The following EPB41L4A variants were observed in gnomAD, a reference collection of about 807,000 sequenced individuals.
EPB41L4A encodes the protein erythrocyte membrane protein band 4.1 like 4A, also known as band 4.1-like protein 4A.
Under a neutral mutation model 108.6 loss-of-function variants are expected in EPB41L4A, and 100 were observed. The ratio of observed to expected loss-of-function variants is 0.92; its 90% CI spans 0.78 to 1.09. The LOEUF is 1.09. EPB41L4A is among the 50% of genes least tolerant of loss of function. EPB41L4A has a pLI of 0.00. For missense variants in EPB41L4A, 1,030 were observed against 842.7 expected (o/e 1.22, Z -2.75); for synonymous variants, 319 against 289.0 (o/e 1.10, Z -1.05).
At chr5:112,271,568 G>C (rs917227411) in intron 4 of EPB41L4A, among the ~76,000 whole-genome samples, 35 of 152,276 alleles carry the variant, frequency 2.3e-4, no homozygotes, top group African/African-American at 7.7e-4. Context: ...ACCTCACTCA[G>C]CCTTTCTGAT....
chr5:112,151,226 T>C lies in EPB41L4A; in HGVS notation n.995-5228A>G, dbSNP rs1021138014. Among the ~76,000 whole-genome samples, 15 of 152,126 alleles carry C rather than the reference T, an allele frequency of 9.9e-5. No individual in the cohort carries two copies. The South Asian group carries it at 2.9e-3, about 29-fold the overall frequency. On this transcript the variant is annotated intron_variant and non_coding_transcript_variant, in intron 12 of 13. Coordinates refer to the EPB41L4A transcript ENST00000507810. ...ACCCGTAAAAAAAGTATTTAATGAC[T>C]ATAAATCGATAAGAATGTCAAATTT... is the stretch of plus-strand genomic sequence containing the variant.
intron 12 of EPB41L4A, among the ~76,000 whole-genome samples, chr5:112,148,463 T>C (rs1759346871): frequency 6.6e-6 from 1 of 151,860 alleles, no homozygotes; most frequent in Non-Finnish European, 1.5e-5. Flanking sequence ...AGAACAGTTT[T>C]AGATTTTCCC....
At chr5:112,149,363 T>C (rs1367192877) in intron 12 of EPB41L4A, among the ~76,000 whole-genome samples, 1 of 152,126 alleles carries the variant, frequency 6.6e-6, no homozygotes, top group Non-Finnish European at 1.5e-5. Context: ...TCCCAGCTAC[T>C]TGGGAGGCTG....
intron 2 of EPB41L4A, among the ~76,000 whole-genome samples, chr5:112,302,253 C>A (rs910214120): frequency 1.3e-5 from 2 of 152,034 alleles, no homozygotes; most frequent in South Asian, 4.1e-4. Context: ...CACCTATAAT[C>A]CTAGCACTTT....
intron 1 of EPB41L4A, among the ~76,000 whole-genome samples, chr5:112,351,257 G>A (rs868338998): frequency 6.6e-6 from 1 of 152,042 alleles, no homozygotes; most frequent in African/African-American, 2.4e-5. Flanking sequence ...GAAATAATAT[G>A]CAAATAAAAT....
In EPB41L4A at chr5:112,321,043, A is replaced by C. The variant is rs180732373; in HGVS notation, c.100-13553T>G. Reference sequence around the variant, plus strand: ...TGAGATTACAGGCCATCGAGACTTCAGGGTGTTCATATCTTGCCTGGTCAG... The same window carrying C: ...TGAGATTACAGGCCATCGAGACTTCCGGGTGTTCATATCTTGCCTGGTCAG... On this transcript the variant is annotated intron_variant, in intron 1 of 22. Coordinates refer to ENST00000261486, the MANE Select transcript of EPB41L4A (RefSeq NM_022140.5). 4.6e-5 allele frequency among the ~76,000 whole-genome samples: 7 copies of C among 152,352 alleles called. No homozygotes were observed. The East Asian group carries it at 1.3e-3, about 29-fold the overall frequency.
intron 10 of EPB41L4A, among the ~76,000 whole-genome samples, chr5:112,240,514 G>A (rs1221769684): frequency 6.6e-6 from 1 of 152,110 alleles, no homozygotes; most frequent in South Asian, 2.1e-4. Flanking sequence ...CTGTATCTAT[G>A]TGTATAAGTG....
At chr5:112,267,229 C>T (rs13158768) in intron 4 of EPB41L4A, among the ~76,000 whole-genome samples, 9,518 of 152,266 alleles carry the variant, frequency 0.063, 353 homozygotes, top group Non-Finnish European at 0.075. Flanking sequence ...CACACACTCT[C>T]ACACACTTCA....
At chr5:112,228,812 G>T in intron 12 of EPB41L4A, 1 of 892,498 alleles carries the variant, frequency 1.1e-6, no homozygotes, top group Non-Finnish European at 1.3e-6. Context: ...AGGCAGTTTA[G>T]ACTTGCAGGA....
At chr5:112,295,895 G>A (rs1416351185) in intron 2 of EPB41L4A, among the ~76,000 whole-genome samples, 2 of 152,118 alleles carry the variant, frequency 1.3e-5, no homozygotes, top group African/African-American at 4.8e-5. Flanking sequence ...ACAAATCAAA[G>A]TCTTGGTAAG....
intron 9 of EPB41L4A, among the ~76,000 whole-genome samples, chr5:112,257,973 T>A (rs1751227413): frequency 6.6e-6 from 1 of 152,236 alleles, no homozygotes. Flanking sequence ...AGATGTCTAA[T>A]CAGGAGCTGA....
chr5:112,239,632 T>A, intron 11 of EPB41L4A, 28 bp downstream of exon 11: 2 of 1,432,410 alleles, frequency 1.4e-6, no homozygotes, highest in South Asian at 1.3e-5. Context: ...TACAAACACA[T>A]CCCCCCAAGG....
chr5:112,201,668 G>T lies in EPB41L4A; in HGVS notation c.1376+2707C>A, dbSNP rs76718209. Among the ~76,000 whole-genome samples, 478 of 152,114 alleles carry T rather than the reference G, an allele frequency of 3.1e-3. 5 individuals carry two copies. Among genetic ancestry groups the T allele is most frequent in the Middle Eastern group, 0.01 (3 of 294 alleles). On this transcript the variant is annotated intron_variant, in intron 15 of 22. Coordinates refer to ENST00000261486, the MANE Select transcript of EPB41L4A (RefSeq NM_022140.5). Reference sequence around the variant, plus strand: ...TCTAATCATCCCTGCCACCTATGTCGCCTCAACACACAATACACACAAATG... The same window carrying T: ...TCTAATCATCCCTGCCACCTATGTCTCCTCAACACACAATACACACAAATG...
At chr5:112,401,250 G>A (rs1430278161) in intron 1 of EPB41L4A, among the ~76,000 whole-genome samples, 6 of 152,186 alleles carry the variant, frequency 3.9e-5, no homozygotes, top group Admixed American at 3.9e-4. Flanking sequence ...CTCCAGGCTT[G>A]AAAACTAGCC....
At chr5:112,211,316 G>C (rs1762730201) in intron 12 of EPB41L4A, among the ~76,000 whole-genome samples, 1 of 152,198 alleles carries the variant, frequency 6.6e-6, no homozygotes, top group Admixed American at 6.5e-5. Context: ...AGGCGCAGTG[G>C]CTCACGCCTG....
At chr5:112,215,850 C>T (rs559285591) in intron 12 of EPB41L4A, among the ~76,000 whole-genome samples, 155 of 151,352 alleles carry the variant, frequency 1.0e-3, no homozygotes, top group African/African-American at 2.7e-3. Flanking sequence ...GTATGTCAGT[C>T]GGGGAGTGCT....
chr5:112,266,276 A>T lies in EPB41L4A; in HGVS notation c.390T>A (p.Cys130Ter). 1 of 1,611,176 alleles carries T rather than the reference A, an allele frequency of 6.2e-7. No individual in the cohort carries two copies. Among genetic ancestry groups the T allele is most frequent in the Admixed American group, 1.7e-5 (1 of 59,708 alleles). The change falls in exon 5 of 23, where the codon TGT becomes TGA. Residue 130 changes from cysteine (C) to a stop codon, truncating the protein, a stop_gained. Coordinates refer to ENST00000261486, the MANE Select transcript of EPB41L4A (RefSeq NM_022140.5). LOFTEE classifies it high-confidence loss of function. ...CCAGCTGAGCAGCAGTGTTGACGGG[A>T]CAGGGCAGACGGCCCTGAAGGACAT... is the stretch of plus-strand genomic sequence containing the variant. Reference protein sequence around the residue: ...KQDVLQGRLPCPVNTAAQLGA... With the variant: ...KQDVLQGRLP
At chr5:112,378,645 A>C (rs1009744970) in intron 1 of EPB41L4A, among the ~76,000 whole-genome samples, 4 of 152,190 alleles carry the variant, frequency 2.6e-5, no homozygotes, top group African/African-American at 9.7e-5. Flanking sequence ...GAAGACAGGG[A>C]AACTCCAGAA....
chr5:112,229,249 T>G (rs1748693058), intron 12 of EPB41L4A, among the ~76,000 whole-genome samples: 1 of 152,178 alleles, frequency 6.6e-6, no homozygotes, highest in African/African-American at 2.4e-5. Flanking sequence ...ATTTGCATAT[T>G]TTCAGTGACA....
Sources: allele counts gnomAD v4.1 joint callset (sites outside exome capture counted in the v4.1 genomes callset), GRCh38; gene constraint gnomAD v4.1.1; transcripts MANE v1.5; gene names NCBI Gene and HGNC (gene_info 2026-07-23, HGNC 2026-07-21).